The following SULT4A1 variants were observed in gnomAD, a reference collection of about 807,000 sequenced individuals.
SULT4A1 encodes the protein sulfotransferase 4A1.
Under a neutral mutation model 35.2 loss-of-function variants are expected in SULT4A1, and 11 were observed. The ratio of observed to expected loss-of-function variants is 0.31; its 90% CI spans 0.20 to 0.52. The LOEUF (loss-of-function observed/expected upper bound fraction) is 0.52. SULT4A1 is among the 20% of genes least tolerant of loss of function. The pLI is 0.97. For missense variants in SULT4A1, 271 were observed against 383.7 expected (o/e 0.71, Z 2.45); for synonymous variants, 152 against 151.8 (o/e 1.00, Z -0.01).
chr22:43,842,326 G>A (rs1456702506), intron 1 of SULT4A1, among the ~76,000 whole-genome samples: 3 of 152,130 alleles, frequency 2.0e-5, no homozygotes, highest in Non-Finnish European at 4.4e-5. Flanking sequence ...AGGAAATGAC[G>A]TCTGCCCAGT....
Position 43,825,941 on chromosome 22 carries a change from A to G in SULT4A1, c.*60T>C. On this transcript the variant is annotated 3_prime_UTR_variant, in exon 7 of 7. Coordinates refer to ENST00000330884, the MANE Select transcript of SULT4A1 (RefSeq NM_014351.4). ...CAGCAAGGAATAAATGAATGCATAC[A>G]GGACTTTTGGCTAGTAGACTGTCTG... is the stretch of plus-strand genomic sequence containing the variant. 6.6e-7 allele frequency: 1 copy of G among 1,514,500 alleles called. No individual in the cohort carries two copies. Among genetic ancestry groups the G allele is most frequent in the African/African-American group, 1.4e-5 (1 of 72,492 alleles). 93.8% of individuals were successfully genotyped at this position (1,514,500 alleles called of 1,614,324 possible). A position where few individuals can be genotyped will look rare whatever the true frequency, so the allele number is the denominator to read the frequency against.
chr22:43,844,187 A>G (rs896056207), intron 1 of SULT4A1, among the ~76,000 whole-genome samples: 5 of 152,194 alleles, frequency 3.3e-5, no homozygotes, highest in African/African-American at 4.8e-5. Context: ...TGATACGCAC[A>G]TGTAAGATAT....
intron 6 of SULT4A1, chr22:43,827,375 A>T: frequency 2.6e-6 from 3 of 1,141,676 alleles, no homozygotes; most frequent in Non-Finnish European, 2.2e-6. Context: ...TTGGAGAGAA[A>T]AACAAGAAAA....
chr22:43,835,486 G>A (rs902382206), intron 4 of SULT4A1, among the ~76,000 whole-genome samples: 6 of 152,182 alleles, frequency 3.9e-5, no homozygotes, highest in Non-Finnish European at 8.8e-5. Context: ...GGATTCCCAC[G>A]GAGGAGCTGC....
At chr22:43,849,816 C>A (rs996153779) in intron 1 of SULT4A1, among the ~76,000 whole-genome samples, 1 of 152,218 alleles carries the variant, frequency 6.6e-6, no homozygotes, top group African/African-American at 2.4e-5. Flanking sequence ...GCAGCCGCCT[C>A]ACATGAAAAG....
intron 4 of SULT4A1, among the ~76,000 whole-genome samples, chr22:43,835,002 ACCCACACC>A (rs2063357554): frequency 2.7e-5 from 1 of 37,542 alleles, no homozygotes; most frequent in African/African-American, 1.5e-4. Context: ...AGCTTCCCGC[ACCCACACC>A]GCGGCCCTGT....
intron 6 of SULT4A1, chr22:43,826,984 A>G (rs941998470): frequency 1.4e-5 from 14 of 985,344 alleles, no homozygotes; most frequent in Non-Finnish European, 1.7e-5. Flanking sequence ...AACGAAAGAC[A>G]GCTCAACATG....
intron 1 of SULT4A1, among the ~76,000 whole-genome samples, chr22:43,848,918 C>T (rs1265505937): frequency 6.6e-6 from 1 of 152,258 alleles, no homozygotes; most frequent in African/African-American, 2.4e-5. Context: ...TCGAGCCAAA[C>T]GCTCTCCAGC....
At position 43,828,701 on chromosome 22, in the gene SULT4A1, T is replaced by C. The variant is rs56833109; in HGVS notation, c.742+359A>G. 8.5e-3 allele frequency: 1,963 copies of C among 229,652 alleles called. 50 individuals are homozygous for C. Among genetic ancestry groups the C allele is most frequent in the African/African-American group, 0.042 (1,869 of 44,524 alleles). The allele number at this position is 229,652 out of a possible 1,614,324, so 14.2% of individuals were successfully genotyped here. ...GCATGCTTTGCGCTTTGACATGTCA[T>C]AGCACCAAACCCAGTCCCTGGATCT... is the stretch of plus-strand genomic sequence containing the variant. On this transcript the variant is annotated intron_variant, in intron 6 of 6. Coordinates refer to ENST00000330884, the MANE Select transcript of SULT4A1 (RefSeq NM_014351.4).
intron 1 of SULT4A1, among the ~76,000 whole-genome samples, chr22:43,861,635 T>C (rs2049469553): frequency 6.6e-6 from 1 of 152,242 alleles, no homozygotes; most frequent in Non-Finnish European, 1.5e-5. Flanking sequence ...CCCCAGGTCC[T>C]GCCTCGGTGA....
intron 6 of SULT4A1, chr22:43,827,289 T>G: frequency 2.0e-6 from 2 of 985,458 alleles, no homozygotes; most frequent in Non-Finnish European, 2.4e-6. Flanking sequence ...TTTTTCAAAC[T>G]GCAACCCTGC....
intron 5 of SULT4A1, 144 bp from the exon 6 acceptor site, chr22:43,829,342 C>G: frequency 3.2e-6 from 3 of 948,906 alleles, no homozygotes; most frequent in Non-Finnish European, 3.0e-6. Flanking sequence ...CAGCCTTGTC[C>G]AGAAATAACA....
chr22:43,849,451 T>C (rs1301129809), intron 1 of SULT4A1, among the ~76,000 whole-genome samples: 1 of 152,104 alleles, frequency 6.6e-6, no homozygotes, highest in Admixed American at 6.6e-5. Context: ...CCTGTGCTTA[T>C]AAAAACCCCA....
At chr22:43,837,772 C>T (rs901751536) in intron 4 of SULT4A1, among the ~76,000 whole-genome samples, 3 of 152,224 alleles carry the variant, frequency 2.0e-5, no homozygotes, top group East Asian at 3.9e-4. Context: ...CTGGCAGCAG[C>T]TCTAGGTCCA....
At chr22:43,854,299 G>A (rs2049377319) in intron 1 of SULT4A1, among the ~76,000 whole-genome samples, 1 of 152,138 alleles carries the variant, frequency 6.6e-6, no homozygotes. Flanking sequence ...CACTTCCACT[G>A]TCGCCAAGAG....
intron 4 of SULT4A1, among the ~76,000 whole-genome samples, chr22:43,837,146 G>T (rs1002936838): frequency 1.1e-4 from 17 of 152,222 alleles, no homozygotes; most frequent in Non-Finnish European, 2.5e-4. Flanking sequence ...ATCAGGGAGG[G>T]GGTCCAGCGG....
chr22:43,833,733 C>A lies in SULT4A1; in HGVS notation c.510G>T (p.Leu170=), dbSNP rs1173504613. Residue 170 remains leucine (L), a splice_region_variant and synonymous_variant, in exon 5 of 7, where the codon CTG becomes CTT. Coordinates refer to ENST00000330884, the MANE Select transcript of SULT4A1 (RefSeq NM_014351.4). The stretch of plus-strand genomic sequence containing the variant: ...CGTGCTCAAACCAGGAGCCGTAGCC[C>A]ACTGCGGAGACAGGGGACAGGGTGA... ...EFCRRFMNDK[L]GYGSWFEHVQ... 2.6e-6 allele frequency: 4 copies of A among 1,567,364 alleles called. No individual in the cohort carries two copies. The highest frequency in any genetic ancestry group is 1.3e-5 in the African/African-American group (1 of 74,078).
chr22:43,829,937 T>G (rs191721663), intron 5 of SULT4A1, among the ~76,000 whole-genome samples: 1 of 152,330 alleles, frequency 6.6e-6, no homozygotes, highest in Non-Finnish European at 1.5e-5. Context: ...TAAAAAGTCC[T>G]ACAGTGAAAA....
chr22:43,825,102 T>C lies in SULT4A1; in HGVS notation c.*899A>G, dbSNP rs764468769. The stretch of plus-strand genomic sequence containing the variant: ...AAACTGAATGATAAAGACCCGGGGA[T>C]TTTAGAAATTTACTATTAAGCATCT... On this transcript the variant is annotated 3_prime_UTR_variant, in exon 7 of 7. Coordinates refer to ENST00000330884, the MANE Select transcript of SULT4A1 (RefSeq NM_014351.4). 2 of 152,126 alleles carry C rather than the reference T, an allele frequency of 1.3e-5. No individual in the cohort carries two copies. Among genetic ancestry groups the C allele is most frequent in the Non-Finnish European group, 2.9e-5 (2 of 68,030 alleles). 9.4% of individuals were successfully genotyped at this position (152,126 alleles called of 1,614,324 possible).
Sources: allele counts gnomAD v4.1 joint callset (sites outside exome capture counted in the v4.1 genomes callset), GRCh38; gene constraint gnomAD v4.1.1; transcripts MANE v1.5; gene names NCBI Gene and HGNC (gene_info 2026-07-23, HGNC 2026-07-21).